ARHGEF3: variants seen among roughly 807,000 people sequenced by gnomAD.
ARHGEF3 encodes the protein Rho guanine nucleotide exchange factor 3.
Under a neutral mutation model 63.2 loss-of-function variants are expected in ARHGEF3, and 28 were observed. The ratio of observed to expected loss-of-function variants is 0.44; its 90% CI spans 0.33 to 0.61. The LOEUF (loss-of-function observed/expected upper bound fraction) is 0.61, where lower values mean the gene tolerates loss of function less well. Among genes scored for constraint, ARHGEF3 ranks in the 20% least tolerant of loss-of-function variants. The pLI is 0.03. For synonymous variants in ARHGEF3, 266 were observed against 254.2 expected, an observed-to-expected ratio of 1.05 and a Z score of -0.44; for missense variants, 533 against 659.3, an observed-to-expected ratio of 0.81 and a Z score of 2.10.
chr3:57,073,540 C>T, intron 1 of ARHGEF3: 2 of 1,315,788 alleles, frequency 1.5e-6, no homozygotes, highest in Non-Finnish European at 2.0e-6. Context: ...TGTTTGAGCA[C>T]CCCGGGATGA....
chr3:56,794,701 C>A (rs1284221039), intron 1 of ARHGEF3, among the ~76,000 whole-genome samples: 1 of 152,062 alleles, frequency 6.6e-6, no homozygotes, highest in Non-Finnish European at 1.5e-5. Context: ...ATACTGTTTG[C>A]CTATATCCTA....
In ARHGEF3 at chr3:56,732,338, A is replaced by G; in HGVS notation, c.1128T>C (p.Arg376=). The G allele has an allele frequency of 6.2e-7, 1 of 1,614,216 alleles. No homozygotes were observed. Among genetic ancestry groups the G allele is most frequent in the East Asian group, 2.2e-5 (1 of 44,884 alleles). ...HNEQLCYQLY[R]QPIPVKDLLL... ...GGAGGTCTTTCACGGGGATTGGCTGACGGTACAGCTGGTAGCAAAGCTGCT... is the reference window on the plus strand; with the variant it reads ...GGAGGTCTTTCACGGGGATTGGCTGGCGGTACAGCTGGTAGCAAAGCTGCT... Residue 376 remains arginine (R), a synonymous_variant, in exon 9 of 10, where the codon CGT becomes CGC. Transcript: ENST00000296315.
At chr3:56,866,306 G>C (rs1192767921) in intron 4 of ARHGEF3, among the ~76,000 whole-genome samples, 1 of 152,162 alleles carries the variant, frequency 6.6e-6, no homozygotes, top group Non-Finnish European at 1.5e-5. Flanking sequence ...ATCAATAAAA[G>C]GTATTTTCAA....
chr3:56,797,601 G>A (rs1005313751), intron 1 of ARHGEF3, among the ~76,000 whole-genome samples: 2 of 152,184 alleles, frequency 1.3e-5, no homozygotes, highest in Non-Finnish European at 2.9e-5. Flanking sequence ...TCCAAGAAAT[G>A]TATAGATTAC....
chr3:56,736,333 C>T (rs2033625020), intron 8 of ARHGEF3, among the ~76,000 whole-genome samples: 1 of 152,120 alleles, frequency 6.6e-6, no homozygotes, highest in Non-Finnish European at 1.5e-5. Flanking sequence ...GAGATATACA[C>T]AGTTGCTATG....
intron 2 of ARHGEF3, among the ~76,000 whole-genome samples, chr3:57,016,374 T>C (rs541947529): frequency 1.7e-5 from 2 of 114,506 alleles, no homozygotes; most frequent in African/African-American, 7.5e-5. Context: ...AAACCCTGTC[T>C]CTACTAAAAA....
At chr3:56,916,064 G>A (rs1006164247) in intron 3 of ARHGEF3, among the ~76,000 whole-genome samples, 5 of 152,110 alleles carry the variant, frequency 3.3e-5, no homozygotes, top group Admixed American at 6.5e-5. Flanking sequence ...GCTCACCCTC[G>A]CAACCAAGCA....
intron 3 of ARHGEF3, among the ~76,000 whole-genome samples, chr3:56,956,228 T>TG (rs1193375129): frequency 6.5e-4 from 99 of 151,418 alleles, no homozygotes; most frequent in African/African-American, 2.3e-3. Context: ...TTTTTTTTTT[T>TG]TTTGTTTGTT....
chr3:57,034,109 T>C (rs1703849992), intron 2 of ARHGEF3, among the ~76,000 whole-genome samples: 1 of 151,860 alleles, frequency 6.6e-6, no homozygotes, highest in Non-Finnish European at 1.5e-5. Context: ...CACTAAAAGT[T>C]TTTAATTATC....
At chr3:56,948,969 T>C (rs1157887007) in intron 3 of ARHGEF3, among the ~76,000 whole-genome samples, 2 of 152,026 alleles carry the variant, frequency 1.3e-5, no homozygotes, top group African/African-American at 4.8e-5. Context: ...CAAGGCTGGT[T>C]CAACATACGC....
At chr3:56,826,359 ACT>A (rs2108056186) in intron 4 of ARHGEF3, among the ~76,000 whole-genome samples, 2 of 152,104 alleles carry the variant, frequency 1.3e-5, no homozygotes, top group East Asian at 3.9e-4. Context: ...TACAAAAGAG[ACT>A]CTACCACATA....
chr3:56,939,131 G>A (rs1699051684), intron 3 of ARHGEF3, among the ~76,000 whole-genome samples: 1 of 152,222 alleles, frequency 6.6e-6, no homozygotes, highest in Non-Finnish European at 1.5e-5. Flanking sequence ...AGAGGAAGAA[G>A]TTGATGACAG....
intron 3 of ARHGEF3, among the ~76,000 whole-genome samples, chr3:56,899,269 C>T (rs1158749199): frequency 6.6e-6 from 1 of 152,146 alleles, no homozygotes; most frequent in Non-Finnish European, 1.5e-5. Flanking sequence ...GTGGCCTCGG[C>T]CATATGGGTG....
At chr3:56,767,583 C>CA (rs541314948) in intron 2 of ARHGEF3, among the ~76,000 whole-genome samples, 13,735 of 76,606 alleles carry the variant, frequency 0.18, 2,314 homozygotes, top group African/African-American at 0.36. Context: ...GACTCCGTCT[C>CA]AAAAAAAAAA....
chr3:56,743,819 C>A (rs1239725472), intron 7 of ARHGEF3, among the ~76,000 whole-genome samples: 1 of 152,118 alleles, frequency 6.6e-6, no homozygotes, highest in Non-Finnish European at 1.5e-5. Context: ...ATCCCCACTG[C>A]CACCTCCTTG....
chr3:57,025,435 G>A (rs1332139127), intron 2 of ARHGEF3, among the ~76,000 whole-genome samples: 1 of 152,204 alleles, frequency 6.6e-6, no homozygotes, highest in African/African-American at 2.4e-5. Flanking sequence ...CTAGACTCTA[G>A]CCCTAATGCA....
intron 3 of ARHGEF3, among the ~76,000 whole-genome samples, chr3:56,899,790 T>C (rs1423128607): frequency 6.6e-6 from 1 of 152,194 alleles, no homozygotes; most frequent in Non-Finnish European, 1.5e-5. Flanking sequence ...TGTTCCCCTA[T>C]GCCCTGAGAT....
At chr3:56,772,176 A>G (rs553928567) in intron 2 of ARHGEF3, among the ~76,000 whole-genome samples, 10 of 152,260 alleles carry the variant, frequency 6.6e-5, no homozygotes, top group Admixed American at 2.0e-4. Context: ...ACCCAAACCT[A>G]TAGCTAATTA....
intron 3 of ARHGEF3, among the ~76,000 whole-genome samples, chr3:56,905,049 C>G (rs1034492393): frequency 1.1e-4 from 16 of 152,188 alleles, no homozygotes; most frequent in Non-Finnish European, 1.3e-4. Context: ...CGCCTTTGAG[C>G]CTCAGCCTTC....
Sources: allele counts gnomAD v4.1 joint callset (sites outside exome capture counted in the v4.1 genomes callset), GRCh38; gene constraint gnomAD v4.1.1; transcripts MANE v1.5; gene names NCBI Gene and HGNC (gene_info 2026-07-23, HGNC 2026-07-21).